UGT1A8: variants seen among roughly 807,000 people sequenced by gnomAD.
UGT1A8 encodes the protein UDP glucuronosyltransferase family 1 member A8, also known as UDP-glucuronosyltransferase 1A8.
UGT1A8 carries 39 observed loss-of-function variants against 45.3 expected under a neutral mutation model. The observed-to-expected ratio is 0.86, with a 90% CI of 0.67 to 1.12. The LOEUF is 1.12. Ranked by LOEUF, UGT1A8 falls within the 50% of genes most tolerant of loss-of-function variation. The pLI, the probability that UGT1A8 is intolerant of heterozygous loss-of-function variation, is 0.00. For synonymous variants in UGT1A8, 275 were observed against 249.2 expected, an observed-to-expected ratio of 1.10 and a Z score of -0.97; for missense variants, 719 against 664.9, an observed-to-expected ratio of 1.08 and a Z score of -0.90.
chr2:233,742,523 T>A (rs1692010019), intron 1 of UGT1A8, among the ~76,000 whole-genome samples: 1 of 151,942 alleles, frequency 6.6e-6, no homozygotes, highest in Non-Finnish European at 1.5e-5. Context: ...GTCACAGTGC[T>A]GCAGAGATTT....
intron 1 of UGT1A8, among the ~76,000 whole-genome samples, chr2:233,667,302 A>G (rs2074099363): frequency 6.6e-6 from 1 of 152,198 alleles, no homozygotes; most frequent in African/African-American, 2.4e-5. Flanking sequence ...TATTTAATAA[A>G]TGGTGCTGGG....
chr2:233,690,220 G>T (rs939015605), intron 1 of UGT1A8, among the ~76,000 whole-genome samples: 5 of 152,112 alleles, frequency 3.3e-5, no homozygotes, highest in African/African-American at 1.2e-4. Flanking sequence ...TGCCATTTTA[G>T]TATTCTAGAT....
chr2:233,651,963 T>C (rs969907668), intron 1 of UGT1A8, among the ~76,000 whole-genome samples: 14 of 152,168 alleles, frequency 9.2e-5, no homozygotes, highest in African/African-American at 3.4e-4. Context: ...CAGATCATCA[T>C]TCAAGAGAAC....
chr2:233,764,538 TG>T (rs1304174428), intron 1 of UGT1A8, among the ~76,000 whole-genome samples: 1 of 152,146 alleles, frequency 6.6e-6, no homozygotes, highest in Non-Finnish European at 1.5e-5. Flanking sequence ...GATTGCTGAG[TG>T]GGCGTGTGGG....
intron 1 of UGT1A8, among the ~76,000 whole-genome samples, chr2:233,628,639 A>G (rs1216473912): frequency 2.0e-5 from 3 of 152,028 alleles, no homozygotes; most frequent in Admixed American, 2.0e-4. Context: ...TGGAACCTGA[A>G]GAACAATGTT....
intron 1 of UGT1A8, chr2:233,713,965 A>G (rs1306129975): frequency 1.2e-6 from 2 of 1,604,828 alleles, no homozygotes; most frequent in Non-Finnish European, 1.7e-6. Context: ...CAAAGATTTC[A>G]TTTCTGCTTC....
intron 1 of UGT1A8, among the ~76,000 whole-genome samples, chr2:233,645,350 G>A (rs966275017): frequency 6.6e-6 from 1 of 152,058 alleles, no homozygotes; most frequent in Non-Finnish European, 1.5e-5. Context: ...ATTCCACCCT[G>A]GTCCCTCCCA....
At chr2:233,662,471 T>G (rs28969998) in intron 1 of UGT1A8, among the ~76,000 whole-genome samples, 4,394 of 152,294 alleles carry the variant, frequency 0.029, 196 homozygotes, top group African/African-American at 0.099. Flanking sequence ...ATAAATGAAA[T>G]TAACTTTTAC....
intron 1 of UGT1A8, among the ~76,000 whole-genome samples, chr2:233,733,410 G>A (rs1464180881): frequency 6.6e-6 from 1 of 152,160 alleles, no homozygotes; most frequent in Non-Finnish European, 1.5e-5. Flanking sequence ...AATGCTTCCA[G>A]TTTTCGCCTA....
Position 233,769,475 on chromosome 2 carries a change from G to T in UGT1A8, c.1295+1036G>T. On this transcript the variant is annotated intron_variant, in intron 4 of 4. Coordinates refer to ENST00000373450, the MANE Select transcript of UGT1A8 (RefSeq NM_019076.5). The surrounding 1 kb of genome is among the most constrained non-coding windows in gnomAD (Gnocchi z 4.4). Reference sequence around the variant, plus strand: ...TGTGCATTCATATGCGTGTGTGTGTGTGTGCGTGTGTTTATGAGAGTGTCC... The same window carrying T: ...TGTGCATTCATATGCGTGTGTGTGTTTGTGCGTGTGTTTATGAGAGTGTCC... 6.2e-7 allele frequency: 1 copy of T among 1,611,166 alleles called. No homozygotes were observed.
chr2:233,682,261 A>C (rs781510118), intron 1 of UGT1A8: 3 of 1,614,184 alleles, frequency 1.9e-6, no homozygotes, highest in Non-Finnish European at 2.5e-6. Flanking sequence ...CATTTTCTCT[A>C]TTAACAAGTT....
chr2:233,649,673 A>T (rs1343580139), intron 1 of UGT1A8, among the ~76,000 whole-genome samples: 1 of 152,202 alleles, frequency 6.6e-6, no homozygotes, highest in Non-Finnish European at 1.5e-5. Context: ...TGCAACATAG[A>T]CACAAGCTTT....
Position 233,680,786 on chromosome 2 carries a change from G to A in UGT1A8, c.855+62224G>A, listed in dbSNP as rs542991668. Among the ~76,000 whole-genome samples, 60 of 152,272 alleles carry A rather than the reference G, an allele frequency of 3.9e-4. 2 individuals are homozygous for A. The South Asian group carries it at 4.6e-3, about 12-fold the overall frequency. The stretch of plus-strand genomic sequence containing the variant: ...GAAGATGAGCACCAAAGTGATTGGG[G>A]TGGGCCCATAGCAAAGGCCTGCAGC... On this transcript the variant is annotated intron_variant, in intron 1 of 4. Coordinates refer to ENST00000373450, the MANE Select transcript of UGT1A8 (RefSeq NM_019076.5).
At chr2:233,697,247 A>G (rs1425616459) in intron 1 of UGT1A8, among the ~76,000 whole-genome samples, 1 of 152,056 alleles carries the variant, frequency 6.6e-6, no homozygotes, top group Non-Finnish European at 1.5e-5. Flanking sequence ...TTACTGCTTC[A>G]ATCTTGTTAC....
At chr2:233,724,183 G>C (rs1455555189) in intron 1 of UGT1A8, among the ~76,000 whole-genome samples, 1 of 117,596 alleles carries the variant, frequency 8.5e-6, no homozygotes, top group Non-Finnish European at 1.8e-5. Context: ...TCTCCCTCCC[G>C]GACGGGGTGG....
intron 1 of UGT1A8, chr2:233,752,303 GC>G (rs1430654409): frequency 6.6e-6 from 1 of 152,154 alleles, no homozygotes; most frequent in Non-Finnish European, 1.5e-5. Context: ...GCCTTTCCTT[GC>G]CCGGTGTGCT....
intron 1 of UGT1A8, among the ~76,000 whole-genome samples, chr2:233,696,034 T>C (rs2075319099): frequency 6.6e-6 from 1 of 152,154 alleles, no homozygotes; most frequent in Admixed American, 6.5e-5. Flanking sequence ...AGTCCCTAAT[T>C]TACATTTGAA....
At chr2:233,701,811 A>G (rs942199612) in intron 1 of UGT1A8, among the ~76,000 whole-genome samples, 4 of 152,228 alleles carry the variant, frequency 2.6e-5, no homozygotes, top group Non-Finnish European at 1.5e-5. Flanking sequence ...ACAAAGACAC[A>G]ACATACCAGA....
At chr2:233,715,882 C>A (rs576558461) in intron 1 of UGT1A8, among the ~76,000 whole-genome samples, 1 of 152,178 alleles carries the variant, frequency 6.6e-6, no homozygotes, top group Non-Finnish European at 1.5e-5. Flanking sequence ...CCTGTGGCCC[C>A]AGCTACTTGG....
Sources: gnomAD v4.1 joint callset for allele counts (sites outside exome capture counted in the v4.1 genomes callset) on GRCh38, gnomAD v4.1.1 for gene constraint, Gnocchi (gnomAD v3.1) non-coding constraint, MANE v1.5 for transcripts, NCBI Gene and HGNC (gene_info 2026-07-23, HGNC 2026-07-21) for gene names.